Variants in NUDT10 observed in about 807,000 individuals in gnomAD.
NUDT10 encodes diphosphoinositol polyphosphate phosphohydrolase 3-alpha.
Under a neutral mutation model 10.5 loss-of-function variants are expected in NUDT10, and 2 were observed. The ratio of observed to expected loss-of-function variants is 0.19; its 90% CI spans 0.08 to 0.60. The LOEUF (loss-of-function observed/expected upper bound fraction) is 0.60. NUDT10 is among the 20% of genes least tolerant of loss of function. The pLI, the probability that NUDT10 is intolerant of heterozygous loss-of-function variation, is 0.89. For missense variants in NUDT10, 75 were observed against 149.5 expected (o/e 0.50, Z 2.60); for synonymous variants, 53 against 71.8 (o/e 0.74, Z 1.32).
chrX:51,332,252 T>C (rs1250818921), upstream of NUDT10: 1 of 112,332 alleles, frequency 8.9e-6, no homozygotes, highest in Non-Finnish European at 1.9e-5. Flanking sequence ...GAATGGTTGA[T>C]AGTGGGGGAG....
At chrX:51,333,749 C>CGGGG (rs1252405750) in intron 1 of NUDT10, among the ~76,000 whole-genome samples, 2 of 12,482 alleles carry the variant, frequency 1.6e-4, no homozygotes, top group African/African-American at 3.5e-4. Flanking sequence ...TGCTTTTGGG[C>CGGGG]GGGGGGGGGG....
rs782138113 is a variant in NUDT10, at chrX:51,336,867, T to C, written c.*628T>C. ...GCCTCAGGAGGCTGAGGCAGAAGAA[T>C]AGCTTGAGCCCAGGAGCTTTAGTCT... On this transcript the variant is annotated 3_prime_UTR_variant, in exon 2 of 2. Coordinates refer to ENST00000356450, the MANE Select transcript of NUDT10 (RefSeq NM_001304963.2). 1 of 112,397 alleles carries C rather than the reference T, an allele frequency of 8.9e-6. No individual in the cohort carries two copies. Among genetic ancestry groups the C allele is most frequent in the Admixed American group, 9.4e-5 (1 of 10,639 alleles). The allele number at this position is 112,397 out of a possible 1,213,427, so 9.3% of individuals were successfully genotyped here.
At chrX:51,335,497 C>T (rs147124393) in intron 1 of NUDT10, among the ~76,000 whole-genome samples, 1,356 of 111,561 alleles carry the variant, frequency 0.012, 12 homozygotes, top group Admixed American at 0.017. Flanking sequence ...TTCTGTTGAT[C>T]AGGTCACCTT....
At position 51,336,206 on chromosome X, in the gene NUDT10, T is replaced by A. The variant is rs782424166; in HGVS notation, c.*-33T>A. The A allele has an allele frequency of 1.4e-5, 8 of 561,395 alleles. No homozygotes were observed. The Admixed American group carries it at 1.8e-4, about 13-fold the overall frequency. The allele number at this position is 561,395 out of a possible 1,213,427, so 46.3% of individuals were successfully genotyped here. A position where few individuals can be genotyped will look rare whatever the true frequency, so the allele number is the denominator to read the frequency against. ...TTGATTAGAGGAATGGATGAACCAATAAAACCCTATTAATAAGAATTTTTC... is the reference window on the plus strand; with the variant it reads ...TTGATTAGAGGAATGGATGAACCAAAAAAACCCTATTAATAAGAATTTTTC... On this transcript the variant is annotated intron_variant, in intron 1 of 1. Coordinates refer to ENST00000356450, the MANE Select transcript of NUDT10 (RefSeq NM_001304963.2).
At chrX:51,336,149 A>G (rs1922832293) in intron 1 of NUDT10, 90 bp from the exon 2 acceptor site, 1 of 487,745 alleles carries the variant, frequency 2.1e-6, no homozygotes, top group Non-Finnish European at 3.7e-6. Flanking sequence ...AAAATGGTTG[A>G]TGAGCCATAG....
chrX:51,335,588 G>A (rs1351490827), intron 1 of NUDT10, among the ~76,000 whole-genome samples: 1 of 111,954 alleles, frequency 8.9e-6, no homozygotes, highest in African/African-American at 3.3e-5. Context: ...AAATTGAAGT[G>A]TGTATGTGTA....
At chrX:51,332,545 G>C (rs1922688491), upstream of NUDT10, among the ~76,000 whole-genome samples, 2 of 112,898 alleles carry the variant, frequency 1.8e-5, no homozygotes, top group Non-Finnish European at 3.8e-5. Flanking sequence ...CCTCGCCCCG[G>C]TTCCTCGCCC....
Position 51,333,056 on chromosome X carries a change from G to A in NUDT10, c.91G>A (p.Asp31Asn), listed in dbSNP as rs868927119. The A allele has an allele frequency of 8.3e-7, 1 of 1,210,833 alleles. No homozygotes were observed. The highest frequency in any genetic ancestry group is 2.2e-5 in the Admixed American group (1 of 45,980). The change falls in exon 1 of 2, where the codon GAC (aspartate) becomes AAC (asparagine). Residue 31 changes from aspartate to asparagine, a missense_variant. Physicochemically the swap from Asp to Asn is conservative, Grantham distance 23. Coordinates refer to ENST00000356450, the MANE Select transcript of NUDT10 (RefSeq NM_001304963.2). ...ACLCFRSERE[D>N]EVLLVSSSRY... ...CCTGTGCTTCCGGAGCGAGCGCGAGGACGAGGTCCTGTTAGTGAGTAGCAG... is the reference window on the plus strand; with the variant it reads ...CCTGTGCTTCCGGAGCGAGCGCGAGAACGAGGTCCTGTTAGTGAGTAGCAG...
chrX:51,332,847 C>G lies in NUDT10; in HGVS notation c.-119C>G. 1 of 1,037,401 alleles carries G rather than the reference C, an allele frequency of 9.6e-7. No individual in the cohort carries two copies. The highest frequency in any genetic ancestry group is 1.3e-6 in the Non-Finnish European group (1 of 785,706). 85.5% of individuals were successfully genotyped at this position (1,037,401 alleles called of 1,213,427 possible). ...AGACGGCAGACGGAGGCGCCTCTCT[C>G]TCCCCGCCCCTCTCCTCGGCCCTTT... On this transcript the variant is annotated 5_prime_UTR_variant, in exon 1 of 2. Coordinates refer to ENST00000356450, the MANE Select transcript of NUDT10 (RefSeq NM_001304963.2).
In NUDT10 at chrX:51,337,331, C is replaced by A. The variant is rs1382109176; in HGVS notation, c.*1092C>A. On this transcript the variant is annotated 3_prime_UTR_variant, in exon 2 of 2. Coordinates refer to ENST00000356450, the MANE Select transcript of NUDT10 (RefSeq NM_001304963.2). ...CATCTACATTCTCAAACATCTGTGG[C>A]TGATATGATATGATTCTTGGAATTT... The A allele has an allele frequency of 9.0e-5, 10 of 111,557 alleles. No individual in the cohort carries two copies. The highest frequency in any genetic ancestry group is 3.7e-4 in the South Asian group (1 of 2,673). 9.2% of individuals were successfully genotyped at this position (111,557 alleles called of 1,213,427 possible). A position where few individuals can be genotyped will look rare whatever the true frequency, so the allele number is the denominator to read the frequency against.
At chrX:51,332,590 G>C (rs1278555278), upstream of NUDT10, among the ~76,000 whole-genome samples, 1 of 113,092 alleles carries the variant, frequency 8.8e-6, no homozygotes, top group African/African-American at 3.2e-5. Flanking sequence ...ACGCGCACGT[G>C]AACGGGAGCG....
At position 51,337,493 on chromosome X, in the gene NUDT10, T is replaced by C. The variant is rs1032279750; in HGVS notation, c.*1254T>C. On this transcript the variant is annotated 3_prime_UTR_variant, in exon 2 of 2. Coordinates refer to ENST00000356450, the MANE Select transcript of NUDT10 (RefSeq NM_001304963.2). Reference sequence around the variant, plus strand: ...ATGTTCATCTCTATTTTTGTATGTTTGGCATTTTCCGTAATAAAGTTTATA... The same window carrying C: ...ATGTTCATCTCTATTTTTGTATGTTCGGCATTTTCCGTAATAAAGTTTATA... 1 of 112,319 alleles carries C rather than the reference T, an allele frequency of 8.9e-6. No individual in the cohort carries two copies. The highest frequency in any genetic ancestry group is 1.9e-5 in the Non-Finnish European group (1 of 53,339). The allele number at this position is 112,319 out of a possible 1,213,427, so 9.3% of individuals were successfully genotyped here.
At position 51,332,854 on chromosome X, in the gene NUDT10, C is replaced by A. The variant is rs373768767; in HGVS notation, c.-112C>A. On this transcript the variant is annotated 5_prime_UTR_variant, in exon 1 of 2. Coordinates refer to ENST00000356450, the MANE Select transcript of NUDT10 (RefSeq NM_001304963.2). ...AGACGGAGGCGCCTCTCTCTCCCCG[C>A]CCCTCTCCTCGGCCCTTTCTCTTCC... is the stretch of plus-strand genomic sequence containing the variant. The A allele has an allele frequency of 5.9e-4, 627 of 1,056,096 alleles. 4 individuals are homozygous for A. In the African/African-American group the frequency reaches 0.011, roughly 18 times the overall value. 87.0% of individuals were successfully genotyped at this position (1,056,096 alleles called of 1,213,427 possible).
upstream of NUDT10, chrX:51,332,748 C>A: frequency 2.0e-6 from 1 of 495,603 alleles, no homozygotes; most frequent in Non-Finnish European, 3.2e-6. Context: ...CTGACTGACA[C>A]GCCTCGCTTG....
rs1922869446 is a variant in NUDT10 at position 51,337,307 on chromosome X, A to G, written c.*1068A>G. ...CATTATGTTAGAAAGAAGGGTCCTC[A>G]TCTACATTCTCAAACATCTGTGGCT... On this transcript the variant is annotated 3_prime_UTR_variant, in exon 2 of 2. Transcript: ENST00000356450. The G allele has an allele frequency of 8.9e-6, 1 of 112,042 alleles. No individual in the cohort carries two copies. Among genetic ancestry groups the G allele is most frequent in the African/African-American group, 3.2e-5 (1 of 30,821 alleles). 9.2% of individuals were successfully genotyped at this position (112,042 alleles called of 1,213,427 possible).
intron 1 of NUDT10, 93 bp from the exon 2 acceptor site, chrX:51,336,146 T>C: frequency 2.1e-6 from 1 of 485,615 alleles, no homozygotes; most frequent in Non-Finnish European, 3.7e-6. Context: ...TTCAAAATGG[T>C]TGATGAGCCA....
At chrX:51,332,552 G>A (rs782145407), upstream of NUDT10, among the ~76,000 whole-genome samples, 554 of 112,818 alleles carry the variant, frequency 4.9e-3, 1 homozygote, top group Non-Finnish European at 7.6e-3. Flanking sequence ...CCGGTTCCTC[G>A]CCCCTCAGCC....
intron 1 of NUDT10, among the ~76,000 whole-genome samples, chrX:51,333,914 C>T (rs1351627001): frequency 9.0e-6 from 1 of 110,764 alleles, no homozygotes; most frequent in Non-Finnish European, 1.9e-5. Context: ...CCTTTAAAGT[C>T]TGACCAGCTT....
intron 1 of NUDT10, among the ~76,000 whole-genome samples, chrX:51,333,778 T>TGGGGGGGGGGG (rs1569552317): frequency 4.6e-4 from 1 of 2,189 alleles, no homozygotes. Context: ...GGGCGAGGGG[T>TGGGGGGGGGGG]GGGCGGGGAG....
Sources: allele counts gnomAD v4.1 joint callset (sites outside exome capture counted in the v4.1 genomes callset), GRCh38; gene constraint gnomAD v4.1.1; transcripts MANE v1.5; gene names NCBI Gene and HGNC (gene_info 2026-07-23, HGNC 2026-07-21).